The following SBF1 variants were observed in gnomAD, a reference collection of about 807,000 sequenced individuals.
SBF1 encodes myotubularin-related protein 5.
A neutral mutation model predicts 215.8 loss-of-function variants in SBF1; 65 were observed. The ratio of observed to expected loss-of-function variants is 0.30; its 90% CI spans 0.25 to 0.37. The LOEUF (loss-of-function observed/expected upper bound fraction) is 0.37. Ranked by LOEUF, SBF1 falls within the 10% of genes least tolerant of loss-of-function variation. The probability of loss-of-function intolerance (pLI) is 1.00; values close to 1 mark genes in which losing one functional copy is unlikely to be tolerated. For missense variants in SBF1, 2,634 were observed against 2,667.8 expected, an observed-to-expected ratio of 0.99 and a Z score of 0.28; for synonymous variants, 1,410 against 1,122.8, an observed-to-expected ratio of 1.26 and a Z score of -5.11.
At chr22:50,467,718 C>T in intron 3 of SBF1, 28 bp from the exon 4 acceptor site, 1 of 1,543,706 alleles carries the variant, frequency 6.5e-7, no homozygotes, top group Non-Finnish European at 8.8e-7. Flanking sequence ...GAGACGGGGG[C>T]AGGGGGAGTT....
chr22:50,468,942 C>A (rs922722262), intron 1 of SBF1, among the ~76,000 whole-genome samples: 1 of 152,136 alleles, frequency 6.6e-6, no homozygotes, highest in African/African-American at 2.4e-5. Context: ...GAAGCCTCAG[C>A]CCCACAAGGC....
At chr22:50,467,084 G>T (rs1473324960) in intron 5 of SBF1, 5 of 587,390 alleles carry the variant, frequency 8.5e-6, no homozygotes, top group African/African-American at 1.9e-5. Flanking sequence ...CAAACAAGCT[G>T]ACATCAACAT....
chr22:50,462,192 G>C lies in SBF1; in HGVS notation c.2396+13C>G. On this transcript the variant is annotated intron_variant, in intron 19 of 40. Transcript: ENST00000380817. ...CCGCCTCCACTGGGCCCAACCCCCA[G>C]TCCCTGCCTCACCTGTTGGTGACCA... 2 of 1,604,054 alleles carry C rather than the reference G, an allele frequency of 1.2e-6. No individual in the cohort carries two copies. Among genetic ancestry groups the C allele is most frequent in the South Asian group, 1.1e-5 (1 of 88,978 alleles).
At chr22:50,457,721 G>A (rs1334155539) in intron 28 of SBF1, among the ~76,000 whole-genome samples, 1 of 152,262 alleles carries the variant, frequency 6.6e-6, no homozygotes, top group South Asian at 2.1e-4. Flanking sequence ...TGAAGGCACA[G>A]GGAGGACTGG....
intron 28 of SBF1, 119 bp from the exon 29 acceptor site, chr22:50,457,230 G>A (rs2067291151): frequency 3.9e-6 from 3 of 763,012 alleles, no homozygotes; most frequent in East Asian, 3.4e-5. Flanking sequence ...AGACAGCAGG[G>A]GTCAGCCCCA....
rs947809338 is a variant in SBF1, at chr22:50,474,980, G to T, written c.-140C>A. On this transcript the variant is annotated 5_prime_UTR_variant, in exon 1 of 41. Transcript: ENST00000380817. ...TGGTTCGCTCCGCGGCGGCGGCGGCGGCGGCGGCGGCGGCCCAGGTTCCCG... is the reference window on the plus strand; with the variant it reads ...TGGTTCGCTCCGCGGCGGCGGCGGCTGCGGCGGCGGCGGCCCAGGTTCCCG... The T allele has an allele frequency of 5.6e-6, 2 of 354,864 alleles. No homozygotes were observed. The highest frequency in any genetic ancestry group is 8.3e-6 in the Non-Finnish European group (2 of 242,364). The allele number at this position is 354,864 out of a possible 1,614,324, so 22.0% of individuals were successfully genotyped here.
At chr22:50,466,581 CG>C in intron 6 of SBF1, 23 bp downstream of exon 6, 2 of 1,537,872 alleles carry the variant, frequency 1.3e-6, no homozygotes, top group South Asian at 1.2e-5. Context: ...GGAAGCCATG[CG>C]GGGGTGGGAC....
chr22:50,456,696 G>C, intron 29 of SBF1, 23 bp from the exon 30 acceptor site: 1 of 1,452,366 alleles, frequency 6.9e-7, no homozygotes, highest in Non-Finnish European at 9.1e-7. Context: ...TGCCAGGTAA[G>C]CACCCAAAGG....
chr22:50,463,335 A>G lies in SBF1; in HGVS notation c.1847T>C (p.Leu616Pro), dbSNP rs2067602525. 6.2e-7 allele frequency: 1 copy of G among 1,612,694 alleles called. No individual in the cohort carries two copies. Among genetic ancestry groups the G allele is most frequent in the East Asian group, 2.2e-5 (1 of 44,856 alleles). Residue 616 changes from leucine to proline, a missense_variant, in exon 16 of 41, where the codon CTG becomes CCG. By Grantham distance (98) the Leu-to-Pro change is moderately conservative. Transcript: ENST00000380817. The stretch of plus-strand genomic sequence containing the variant: ...GACAAAGTCAAACTGCTGGTGGTCC[A>G]GGACCGCACGGTTCTGCTGCACATG... ...HLHVQQNRAV[L>P]DHQQFDFVVR...
At chr22:50,459,023 C>T (rs529340811) in intron 28 of SBF1, among the ~76,000 whole-genome samples, 2 of 152,248 alleles carry the variant, frequency 1.3e-5, no homozygotes, top group East Asian at 1.9e-4. Flanking sequence ...GCGGGCAGGA[C>T]GTCAGGGCGG....
chr22:50,471,311 G>A (rs527872555), intron 1 of SBF1, among the ~76,000 whole-genome samples: 9 of 152,332 alleles, frequency 5.9e-5, no homozygotes, highest in East Asian at 1.9e-4. Flanking sequence ...CCAGCCCCAC[G>A]CAGACGGCAG....
At chr22:50,466,956 G>A (rs758001446) in intron 5 of SBF1, 25 of 555,206 alleles carry the variant, frequency 4.5e-5, no homozygotes, top group South Asian at 9.8e-5. Flanking sequence ...CTAGGTGGGC[G>A]GAAGAAACAA....
intron 5 of SBF1, 60 bp downstream of exon 5, chr22:50,467,278 A>T: frequency 7.0e-7 from 1 of 1,425,840 alleles, no homozygotes; most frequent in Non-Finnish European, 9.8e-7. Flanking sequence ...CCAAATACCT[A>T]CCAGGGCCCC....
intron 38 of SBF1, among the ~76,000 whole-genome samples, chr22:50,447,928 G>A (rs544572301): frequency 9.2e-5 from 14 of 152,342 alleles, no homozygotes; most frequent in Middle Eastern, 3.4e-3. Flanking sequence ...GCGCCCTTAC[G>A]AGGAGAGGGA....
Position 50,463,448 on chromosome 22 carries a change from G to A in SBF1, c.1750-16C>T. On this transcript the variant is annotated splice_polypyrimidine_tract_variant and intron_variant, in intron 15 of 40. Transcript: ENST00000380817. ...CTGGGAGCAGCTGGGGGTGGGGAAA[G>A]GAGACACGGGCTGAGGGCACAGAGA... 1 of 1,552,972 alleles carries A rather than the reference G, an allele frequency of 6.4e-7. No individual in the cohort carries two copies. Among genetic ancestry groups the A allele is most frequent in the Non-Finnish European group, 8.7e-7 (1 of 1,146,292 alleles).
rs938017963 is a variant in SBF1, at chr22:50,464,192, C to T, written c.1749+137G>A. ...GACCTGGAGCCCACCTACCCTCCGG[C>T]CAGCCCAGCCACCTCTAGCTGTCTG... On this transcript the variant is annotated intron_variant, in intron 15 of 40. Coordinates refer to ENST00000380817, the MANE Select transcript of SBF1 (RefSeq NM_002972.4). 4.1e-5 allele frequency: 30 copies of T among 732,986 alleles called. No homozygotes were observed. In the Middle Eastern group the frequency reaches 1.2e-3, roughly 29 times the overall value. 45.4% of individuals were successfully genotyped at this position (732,986 alleles called of 1,614,324 possible).
At position 50,460,142 on chromosome 22, in the gene SBF1, G is replaced by C; in HGVS notation, c.3301C>G (p.Pro1101Ala). The C allele has an allele frequency of 6.2e-7, 1 of 1,611,800 alleles. No individual in the cohort carries two copies. Among genetic ancestry groups the C allele is most frequent in the African/African-American group, 1.3e-5 (1 of 75,032 alleles). Reference protein sequence around the residue: ...DEISVSEELEPSTLTPSSALK... With the variant: ...DEISVSEELEASTLTPSSALK... ...GCTGAGGACGGGGTCAGCGTGCTGG[G>C]CTCCAGCTCCTCCGACACTGCACAG... Residue 1101 changes from proline (P) to alanine (A), a missense_variant, in exon 26 of 41, where the codon CCC becomes GCC. Coordinates refer to ENST00000380817, the MANE Select transcript of SBF1 (RefSeq NM_002972.4).
rs1290963080 is a variant in SBF1 at position 50,474,808 on chromosome 22, C to T, written c.33G>A (p.Val11=). Residue 11 remains valine (V), a synonymous_variant, in exon 1 of 41, where the codon GTG becomes GTA. Coordinates refer to ENST00000380817, the MANE Select transcript of SBF1 (RefSeq NM_002972.4). The part of the protein sequence containing the change: MARLADYFVL[V]AFGPHPRGSG... Reference sequence around the variant, plus strand: ...CACCGCGCGGGTGCGGCCCGAACGCCACCAGCACGAAGTAGTCCGCGAGCC... The same window carrying T: ...CACCGCGCGGGTGCGGCCCGAACGCTACCAGCACGAAGTAGTCCGCGAGCC... 2 of 1,455,926 alleles carry T rather than the reference C, an allele frequency of 1.4e-6. No homozygotes were observed. The highest frequency in any genetic ancestry group is 1.8e-6 in the Non-Finnish European group (2 of 1,107,902). 90.2% of individuals were successfully genotyped at this position (1,455,926 alleles called of 1,614,324 possible).
chr22:50,474,489 G>A (rs952855048), intron 1 of SBF1, among the ~76,000 whole-genome samples: 16 of 152,170 alleles, frequency 1.1e-4, no homozygotes, highest in Non-Finnish European at 1.9e-4. Flanking sequence ...AGGCCCGCGC[G>A]GCCACGCCGC....
Sources: gnomAD v4.1 joint callset for allele counts (sites outside exome capture counted in the v4.1 genomes callset) on GRCh38, gnomAD v4.1.1 for gene constraint, MANE v1.5 for transcripts, NCBI Gene and HGNC (gene_info 2026-07-23, HGNC 2026-07-21) for gene names.